Variants in ACCSL observed in about 807,000 individuals in gnomAD.
ACCSL encodes 1-aminocyclopropane-1-carboxylate synthase homolog (inactive) like.
Under a neutral mutation model 61.7 loss-of-function variants are expected in ACCSL, and 55 were observed. The ratio of observed to expected loss-of-function variants is 0.89; its 90% CI spans 0.72 to 1.12. The LOEUF (loss-of-function observed/expected upper bound fraction) is 1.12, where lower values mean the gene tolerates loss of function less well. Ranked by LOEUF, ACCSL falls within the 50% of genes most tolerant of loss-of-function variation. ACCSL has a pLI of 0.00. For synonymous variants in ACCSL, 258 were observed against 264.3 expected, an observed-to-expected ratio of 0.98 and a Z score of 0.23; for missense variants, 632 against 698.0, an observed-to-expected ratio of 0.91 and a Z score of 1.07.
chr11:44,042,109 A>G, the ACCSL span, among the ~76,000 whole-genome samples: 1 of 152,192 alleles, frequency 6.6e-6, no homozygotes, highest in African/African-American at 2.4e-5. Context: ...AGATATTGAT[A>G]ATCTACTCAT....
intron 11 of ACCSL, 40 bp from the exon 12 acceptor site, chr11:44,058,277 T>C (rs1952683902): frequency 1.9e-6 from 3 of 1,606,306 alleles, no homozygotes; most frequent in Non-Finnish European, 2.6e-6. Flanking sequence ...TAGATTTCTG[T>C]AGTAATATCT....
chr11:44,022,671 G>A, the ACCSL span, among the ~76,000 whole-genome samples: 19 of 152,098 alleles, frequency 1.2e-4, no homozygotes, highest in African/African-American at 2.2e-4. Context: ...ACAATCTTGC[G>A]CTCCTGGAAT....
Position 44,058,375 on chromosome 11 carries a change from G to A in ACCSL, c.1386G>A (p.Lys462=), listed in dbSNP as rs1291732023. The A allele has an allele frequency of 6.2e-7, 1 of 1,614,148 alleles. No individual in the cohort carries two copies. Among genetic ancestry groups the A allele is most frequent in the Non-Finnish European group, 8.5e-7 (1 of 1,180,036 alleles). The change falls in exon 12 of 14, where the codon AAG becomes AAA. Residue 462 remains lysine, a synonymous_variant. Transcript: ENST00000378832. ...TNCYRLREAH[K]YITAELKALE... is the part of the protein sequence containing the mutation. ...GCTACCGGCTCCGGGAAGCTCACAA[G>A]TACATCACTGCTGAGCTGAAGGCAT...
chr11:43,953,901 T>G, the ACCSL span, among the ~76,000 whole-genome samples: 3 of 152,232 alleles, frequency 2.0e-5, no homozygotes, highest in African/African-American at 7.2e-5. Context: ...TGCTTTCACT[T>G]TACACTATGG....
chr11:44,040,200 A>C, the ACCSL span, among the ~76,000 whole-genome samples: 1 of 152,164 alleles, frequency 6.6e-6, no homozygotes, highest in Non-Finnish European at 1.5e-5. Context: ...TCAGTAGCTC[A>C]TTTGTGTTTT....
chr11:43,987,021 C>T, the ACCSL span, among the ~76,000 whole-genome samples: 2 of 152,190 alleles, frequency 1.3e-5, no homozygotes, highest in East Asian at 3.9e-4. Context: ...ACTCCAAGTA[C>T]TGGCATGGTG....
upstream of ACCSL, among the ~76,000 whole-genome samples, chr11:44,043,088 T>G (rs1442185390): frequency 6.6e-6 from 1 of 152,076 alleles, no homozygotes; most frequent in Non-Finnish European, 1.5e-5. Context: ...GTCTCAAAAA[T>G]AAACGTATTT....
At chr11:43,970,393 A>C in the ACCSL span, among the ~76,000 whole-genome samples, 1 of 152,020 alleles carries the variant, frequency 6.6e-6, no homozygotes, top group Admixed American at 6.6e-5. Context: ...TTGTAGAGAC[A>C]AGGTTTCACC....
At chr11:44,024,425 TTC>T in the ACCSL span, among the ~76,000 whole-genome samples, 443 of 138,462 alleles carry the variant, frequency 3.2e-3, 2 homozygotes, top group African/African-American at 0.01. Flanking sequence ...CTCTCTCTCT[TTC>T]TCTCTCTCTC....
At chr11:43,978,473 C>T in the ACCSL span, among the ~76,000 whole-genome samples, 1 of 152,164 alleles carries the variant, frequency 6.6e-6, no homozygotes, top group Non-Finnish European at 1.5e-5. Flanking sequence ...AAAAGTATCA[C>T]GTAATCAGGA....
At chr11:43,955,202 A>G in the ACCSL span, among the ~76,000 whole-genome samples, 1 of 152,140 alleles carries the variant, frequency 6.6e-6, no homozygotes, top group Admixed American at 6.5e-5. Flanking sequence ...CTCCCTTGGC[A>G]CAAAGCTAGA....
the ACCSL span, among the ~76,000 whole-genome samples, chr11:44,027,078 T>C: frequency 6.6e-6 from 1 of 152,330 alleles, no homozygotes; most frequent in African/African-American, 2.4e-5. Flanking sequence ...CCCTGAAGTC[T>C]GCTTGTTAGC....
At chr11:44,010,076 C>T in the ACCSL span, among the ~76,000 whole-genome samples, 1 of 152,200 alleles carries the variant, frequency 6.6e-6, no homozygotes. Context: ...TGCAATGGCT[C>T]ATGCCTGTAA....
the ACCSL span, among the ~76,000 whole-genome samples, chr11:44,037,437 C>T: frequency 6.6e-6 from 1 of 152,236 alleles, no homozygotes; most frequent in African/African-American, 2.4e-5. Context: ...GCGCGGATGG[C>T]GCACTGGCTG....
chr11:44,014,526 AGAGG>A, the ACCSL span, among the ~76,000 whole-genome samples: 3 of 123,030 alleles, frequency 2.4e-5, no homozygotes, highest in African/African-American at 9.3e-5. Flanking sequence ...AGAGAGAGAG[AGAGG>A]TGCCACTGTC....
chr11:43,975,258 G>T, the ACCSL span, among the ~76,000 whole-genome samples: 1 of 152,180 alleles, frequency 6.6e-6, no homozygotes, highest in Admixed American at 6.6e-5. Context: ...GTATGAAGAA[G>T]CAGGGACTTG....
chr11:43,991,661 G>A, the ACCSL span, among the ~76,000 whole-genome samples: 1 of 152,058 alleles, frequency 6.6e-6, no homozygotes, highest in African/African-American at 2.4e-5. Context: ...GGGCCTGGTG[G>A]TTGGTGCCTG....
chr11:43,954,376 C>T, the ACCSL span, among the ~76,000 whole-genome samples: 14 of 151,952 alleles, frequency 9.2e-5, no homozygotes, highest in Non-Finnish European at 1.3e-4. Context: ...GGGTCCCAAG[C>T]GGGTTTTCTG....
At chr11:44,018,802 T>C in the ACCSL span, among the ~76,000 whole-genome samples, 2 of 152,182 alleles carry the variant, frequency 1.3e-5, no homozygotes, top group African/African-American at 4.8e-5. Flanking sequence ...ACCCCATTTC[T>C]TAAAAATAAA....
Sources: gnomAD v4.1 joint callset for allele counts (sites outside exome capture counted in the v4.1 genomes callset) on GRCh38, gnomAD v4.1.1 for gene constraint, MANE v1.5 for transcripts, NCBI Gene and HGNC (gene_info 2026-07-23, HGNC 2026-07-21) for gene names.